Variants in NACA2 observed in about 807,000 individuals in gnomAD.
NACA2 encodes the protein nascent polypeptide associated complex subunit alpha 2.
In NACA2, 9 loss-of-function variants were observed where a neutral mutation model predicts 15.6. The ratio of observed to expected loss-of-function variants is 0.58; its 90% CI spans 0.35 to 1.00. NACA2 has a LOEUF of 1.00. NACA2 is among the 50% of genes least tolerant of loss of function. The pLI, the probability that NACA2 is intolerant of heterozygous loss-of-function variation, is 0.02. For synonymous variants in NACA2, 111 were observed against 100.5 expected, an observed-to-expected ratio of 1.10 and a Z score of -0.62; for missense variants, 258 against 257.5, an observed-to-expected ratio of 1.00 and a Z score of -0.01.
In NACA2 at chr17:61,591,056, T is replaced by G. The variant is rs773584302; in HGVS notation, c.125A>C (p.Asp42Ala). 5.6e-6 allele frequency: 9 copies of G among 1,614,132 alleles called. No homozygotes were observed. ...TTTTTGTGTGGTGGTCTGGGTGGAA[T>G]CCTGTTCTTCAATCCCTGGTACTGA... ...GESVPGIEEQDSTQTTTQKAW... is the reference protein window; with the variant it reads ...GESVPGIEEQASTQTTTQKAW... Residue 42 changes from aspartate (D) to alanine (A), a missense_variant, in exon 1 of 1, where the codon GAT becomes GCT. Transcript: ENST00000521764.
In NACA2 at chr17:61,591,048, G is replaced by A. The variant is rs1351690796; in HGVS notation, c.133C>T (p.Gln45Ter). The change falls in exon 1 of 1, where the codon CAG becomes TAG. Residue 45 changes from glutamine to a stop codon, truncating the protein, a stop_gained. Transcript: ENST00000521764. LOFTEE classifies it high-confidence loss of function. ...AGCCAGGCTTTTTGTGTGGTGGTCT[G>A]GGTGGAATCCTGTTCTTCAATCCCT... ...VPGIEEQDST[Q>*]TTTQKAWLVA... is the part of the protein sequence containing the mutation. 1.2e-6 allele frequency: 2 copies of A among 1,614,218 alleles called. No individual in the cohort carries two copies. Among genetic ancestry groups the A allele is most frequent in the African/African-American group, 1.3e-5 (1 of 75,046 alleles).
Position 61,590,820 on chromosome 17 carries a change from T to C in NACA2, c.361A>G (p.Ile121Val), listed in dbSNP as rs771655935. 5 of 1,614,204 alleles carry C rather than the reference T, an allele frequency of 3.1e-6. No homozygotes were observed. The South Asian group carries it at 3.3e-5, about 11-fold the overall frequency. Residue 121 changes from isoleucine (I) to valine (V), a missense_variant, in exon 1 of 1, where the codon ATA becomes GTA. Physicochemically the swap from Ile to Val is conservative, Grantham distance 29 (BLOSUM62 3). Transcript: ENST00000521764. ...VYKSPASDAY[I>V]VFGEAKIQDL... ...TGGATCTTGGCTTCCCCAAAAACTA[T>C]GTAGGCATCCGAAGCAGGGCTCTTG...
chr17:61,590,635 T>C lies in NACA2; in HGVS notation c.546A>G (p.Lys182=). The change falls in exon 1 of 1, where the codon AAA becomes AAG. Residue 182 remains lysine, a synonymous_variant. Coordinates refer to ENST00000521764, the MANE Select transcript of NACA2 (RefSeq NM_199290.4). ...ACACATTTGCTTGTGACATGACCAATTTCACGTCTTTAACTTCTACACCTG... is the reference window on the plus strand; with the variant it reads ...ACACATTTGCTTGTGACATGACCAACTTCACGTCTTTAACTTCTACACCTG... ...DETGVEVKDV[K]LVMSQANVSR... 2 of 1,614,192 alleles carry C rather than the reference T, an allele frequency of 1.2e-6. No individual in the cohort carries two copies. The highest frequency in any genetic ancestry group is 1.7e-6 in the Non-Finnish European group (2 of 1,180,028).
In NACA2 at chr17:61,590,814, A is replaced by C; in HGVS notation, c.367T>G (p.Phe123Val). ...KSPASDAYIV[F>V]GEAKIQDLSQ... The stretch of plus-strand genomic sequence containing the variant: ...AAATCTTGGATCTTGGCTTCCCCAA[A>C]AACTATGTAGGCATCCGAAGCAGGG... Residue 123 changes from phenylalanine to valine, a missense_variant, in exon 1 of 1, where the codon TTT becomes GTT. Coordinates refer to ENST00000521764, the MANE Select transcript of NACA2 (RefSeq NM_199290.4). The C allele has an allele frequency of 6.2e-7, 1 of 1,614,214 alleles. No homozygotes were observed.
chr17:61,590,780 T>G lies in NACA2; in HGVS notation c.401A>C (p.Gln134Pro). 1 of 1,614,206 alleles carries G rather than the reference T, an allele frequency of 6.2e-7. No individual in the cohort carries two copies. Among genetic ancestry groups the G allele is most frequent in the South Asian group, 1.1e-5 (1 of 91,080 alleles). ...TTTCTCCGCAGCTGCTAGTTGTGCT[T>G]GCTGAGATAAATCTTGGATCTTGGC... ...GEAKIQDLSQ[Q>P]AQLAAAEKFR... The change falls in exon 1 of 1, where the codon CAA (glutamine) becomes CCA (proline). Residue 134 changes from glutamine to proline, a missense_variant. Transcript: ENST00000521764.
At position 61,590,951 on chromosome 17, in the gene NACA2, C is replaced by A; in HGVS notation, c.230G>T (p.Arg77Leu). 2 of 1,614,200 alleles carry A rather than the reference C, an allele frequency of 1.2e-6. No homozygotes were observed. The highest frequency in any genetic ancestry group is 8.5e-7 in the Non-Finnish European group (1 of 1,180,036). ...AAGACCCAGTTTGGACATAGCCTTC[C>A]GTGCCCTCTTTTCACTCCGACTCTG... ...AKQSRSEKRA[R>L]KAMSKLGLLQ... Residue 77 changes from arginine (R) to leucine (L), a missense_variant, in exon 1 of 1, where the codon CGG becomes CTG. Transcript: ENST00000521764.
In NACA2 at chr17:61,590,460, T is replaced by C. The variant is rs562572791; in HGVS notation, c.*73A>G. The C allele has an allele frequency of 7.4e-5, 105 of 1,412,650 alleles. No homozygotes were observed. The South Asian group carries it at 1.2e-3, about 16-fold the overall frequency. The allele number at this position is 1,412,650 out of a possible 1,614,324, so 87.5% of individuals were successfully genotyped here. A position where few individuals can be genotyped will look rare whatever the true frequency, so the allele number is the denominator to read the frequency against. ...CAAGAAGTCATAACTTTATTTATGA[T>C]AGAAACAGTACAAATTTCAAACCAA... On this transcript the variant is annotated 3_prime_UTR_variant, in exon 1 of 1. Transcript: ENST00000521764.
rs375342688 is a variant in NACA2 at position 61,590,677 on chromosome 17, C to T, written c.504G>A (p.Glu168=). 6.8e-6 allele frequency: 11 copies of T among 1,614,040 alleles called. No homozygotes were observed. The highest frequency in any genetic ancestry group is 4.5e-5 in the East Asian group (2 of 44,898). The change falls in exon 1 of 1, where the codon GAG becomes GAA. Residue 168 remains glutamate, a synonymous_variant. Coordinates refer to ENST00000521764, the MANE Select transcript of NACA2 (RefSeq NM_199290.4). ...CTACACCTGTTTCATCGACCTCTTC[C>T]TCTTCACTCTCCTCTTGTACAGTTG... ...QTPTVQEESE[E]EEVDETGVEV... is the part of the protein sequence containing the mutation.
In NACA2 at chr17:61,590,874, G is replaced by A. The variant is rs777607006; in HGVS notation, c.307C>T (p.Leu103Phe). The A allele has an allele frequency of 3.1e-6, 5 of 1,613,984 alleles. No individual in the cohort carries two copies. Among genetic ancestry groups the A allele is most frequent in the Middle Eastern group, 1.6e-4 (1 of 6,084 alleles). Reference sequence around the variant, plus strand: ...ACGTCCAGTTTTGTGATGACAAAGAGGATATTCTTAGATTTCCAGATAGTG... The same window carrying A: ...ACGTCCAGTTTTGTGATGACAAAGAAGATATTCTTAGATTTCCAGATAGTG... ...RVTIWKSKNI[L>F]FVITKLDVYK... The change falls in exon 1 of 1, where the codon CTC becomes TTC. Residue 103 changes from leucine to phenylalanine, a missense_variant. Leu to Phe is a conservative substitution (Grantham distance 22). Coordinates refer to ENST00000521764, the MANE Select transcript of NACA2 (RefSeq NM_199290.4).
chr17:61,591,029 G>T lies in NACA2; in HGVS notation c.152C>A (p.Ala51Asp), dbSNP rs554328773. 41 of 1,614,212 alleles carry T rather than the reference G, an allele frequency of 2.5e-5. 1 individual carries two copies. The Admixed American group carries it at 5.0e-4, about 20-fold the overall frequency. The change falls in exon 1 of 1, where the codon GCC becomes GAC. Residue 51 changes from alanine to aspartate, a missense_variant. By Grantham distance (126) the Ala-to-Asp change is moderately radical. Coordinates refer to ENST00000521764, the MANE Select transcript of NACA2 (RefSeq NM_199290.4). ...QDSTQTTTQK[A>D]WLVAAAEIDE... ...AATTTCAGCTGCTGCCACCAGCCAGGCTTTTTGTGTGGTGGTCTGGGTGGA... is the reference window on the plus strand; with the variant it reads ...AATTTCAGCTGCTGCCACCAGCCAGTCTTTTTGTGTGGTGGTCTGGGTGGA...
In NACA2 at chr17:61,591,119, G is replaced by A. The variant is rs1249733212; in HGVS notation, c.62C>T (p.Ala21Val). 1 of 1,614,146 alleles carries A rather than the reference G, an allele frequency of 6.2e-7. No individual in the cohort carries two copies. The highest frequency in any genetic ancestry group is 8.5e-7 in the Non-Finnish European group (1 of 1,180,058). The change falls in exon 1 of 1, where the codon GCT becomes GTT. Residue 21 changes from alanine to valine, a missense_variant. Ala to Val is a moderately conservative substitution (Grantham distance 64). Transcript: ENST00000521764. ...ATEQELPQSQ[A>V]ETGSGTASDS... ...AGATGCTGTTCCAGACCCTGTCTCAGCCTGGGACTGCGGCAACTCCTGCTC... is the reference window on the plus strand; with the variant it reads ...AGATGCTGTTCCAGACCCTGTCTCAACCTGGGACTGCGGCAACTCCTGCTC...
rs878934747 is a variant in NACA2 at position 61,590,824 on chromosome 17, G to A, written c.357C>T (p.Ala119=). Reference sequence around the variant, plus strand: ...TCTTGGCTTCCCCAAAAACTATGTAGGCATCCGAAGCAGGGCTCTTGTAGA... The same window carrying A: ...TCTTGGCTTCCCCAAAAACTATGTAAGCATCCGAAGCAGGGCTCTTGTAGA... ...LDVYKSPASD[A]YIVFGEAKIQ... is the part of the protein sequence containing the mutation. Residue 119 remains alanine, a synonymous_variant, in exon 1 of 1, where the codon GCC becomes GCT. Coordinates refer to ENST00000521764, the MANE Select transcript of NACA2 (RefSeq NM_199290.4). 6.2e-7 allele frequency: 1 copy of A among 1,614,120 alleles called. No homozygotes were observed. Among genetic ancestry groups the A allele is most frequent in the African/African-American group, 1.3e-5 (1 of 75,032 alleles).
rs777322586 is a variant in NACA2 at position 61,590,770 on chromosome 17, T to TA, written c.410dup (p.Ala138SerfsTer11). On this transcript the variant is annotated frameshift_variant, in exon 1 of 1. Transcript: ENST00000521764. LOFTEE classifies it high-confidence loss of function. Reference sequence around the variant, plus strand: ...GAACTCTGAATTTCTCCGCAGCTGCTAGTTGTGCTTGCTGAGATAAATCTT... The same window carrying TA: ...GAACTCTGAATTTCTCCGCAGCTGCTAAGTTGTGCTTGCTGAGATAAATCTT... 104 of 1,614,126 alleles carry TA rather than the reference T, an allele frequency of 6.4e-5. No individual in the cohort carries two copies. In the African/African-American group the frequency reaches 1.1e-3, roughly 18 times the overall value.
chr17:61,590,593 G>A lies in NACA2; in HGVS notation c.588C>T (p.Val196=), dbSNP rs925530680. ...SQANVSRAKA[V]RALKNNSNDI... ...CATTACTGTTGTTCTTCAGAGCTCG[G>A]ACTGCCTTTGCTCTCGACACATTTG... The change falls in exon 1 of 1, where the codon GTC becomes GTT. Residue 196 remains valine (V), a synonymous_variant. Transcript: ENST00000521764. 5 of 1,614,040 alleles carry A rather than the reference G, an allele frequency of 3.1e-6. No individual in the cohort carries two copies. In the African/African-American group the frequency reaches 6.7e-5, roughly 22 times the overall value.
In NACA2 at chr17:61,591,210, C is replaced by T. The variant is rs767072053; in HGVS notation, c.-30G>A. 10 of 1,613,682 alleles carry T rather than the reference C, an allele frequency of 6.2e-6. No homozygotes were observed. Among genetic ancestry groups the T allele is most frequent in the South Asian group, 1.1e-5 (1 of 91,068 alleles). On this transcript the variant is annotated 5_prime_UTR_variant, in exon 1 of 1. Transcript: ENST00000521764. ...TGCAGGGAACGCGGAAGCAAGATGG[C>T]GGCAGAAAGAGCGCGAGCGAGAGCG...
At position 61,591,173 on chromosome 17, in the gene NACA2, C is replaced by T; in HGVS notation, c.8G>A (p.Gly3Asp). Residue 3 changes from glycine (G) to aspartate (D), a missense_variant, in exon 1 of 1, where the codon GGC becomes GAC. Physicochemically the swap from Gly to Asp is moderately conservative, Grantham distance 94. Coordinates refer to ENST00000521764, the MANE Select transcript of NACA2 (RefSeq NM_199290.4). ...AGCAGGGACGGTTTCTGTGGCTTCG[C>T]CCGGCATTTTGTGCAGGGAACGCGG... Reference protein sequence around the residue: MPGEATETVPATE... With the variant: MPDEATETVPATE... 6.2e-7 allele frequency: 1 copy of T among 1,614,232 alleles called. No homozygotes were observed. The highest frequency in any genetic ancestry group is 8.5e-7 in the Non-Finnish European group (1 of 1,180,050).
In NACA2 at chr17:61,591,079, T is replaced by G. The variant is rs143490945; in HGVS notation, c.102A>C (p.Ser34=). ...GSGTASDSGE[S]VPGIEEQDST... is the part of the protein sequence containing the mutation. ...AATCCTGTTCTTCAATCCCTGGTAC[T>G]GATTCACCACTATCAGATGCTGTTC... The change falls in exon 1 of 1, where the codon TCA becomes TCC. Residue 34 remains serine (S), a synonymous_variant. Transcript: ENST00000521764. 1 of 1,614,174 alleles carries G rather than the reference T, an allele frequency of 6.2e-7. No individual in the cohort carries two copies. Among genetic ancestry groups the G allele is most frequent in the Non-Finnish European group, 8.5e-7 (1 of 1,180,062 alleles).
chr17:61,590,521 G>A lies in NACA2; in HGVS notation c.*12C>T, dbSNP rs2060994833. ...CTCCTTTGAGACACCAAAAAAAGTT[G>A]CTTTCAGATGGTTACACTGTTAATT... is the stretch of plus-strand genomic sequence containing the variant. On this transcript the variant is annotated 3_prime_UTR_variant, in exon 1 of 1. Transcript: ENST00000521764. The A allele has an allele frequency of 1.2e-6, 2 of 1,613,958 alleles. No individual in the cohort carries two copies. The highest frequency in any genetic ancestry group is 1.7e-6 in the Non-Finnish European group (2 of 1,179,842).
Position 61,590,932 on chromosome 17 carries a change from C to A in NACA2, c.249G>T (p.Leu83=). 1 of 1,614,222 alleles carries A rather than the reference C, an allele frequency of 6.2e-7. No individual in the cohort carries two copies. The highest frequency in any genetic ancestry group is 8.5e-7 in the Non-Finnish European group (1 of 1,180,052). ...EKRARKAMSK[L]GLLQVTGVTR... ...TAACTCCTGTAACCTGTAGAAGACC[C>A]AGTTTGGACATAGCCTTCCGTGCCC... is the stretch of plus-strand genomic sequence containing the variant. Residue 83 remains leucine, a synonymous_variant, in exon 1 of 1, where the codon CTG becomes CTT. Coordinates refer to ENST00000521764, the MANE Select transcript of NACA2 (RefSeq NM_199290.4).
Sources: gnomAD v4.1 joint callset for allele counts on GRCh38, gnomAD v4.1.1 for gene constraint, MANE v1.5 for transcripts, NCBI Gene and HGNC (gene_info 2026-07-23, HGNC 2026-07-21) for gene names.